NOS1: variants seen among roughly 807,000 people sequenced by gnomAD.
NOS1 encodes the protein NOS type I.
Under a neutral mutation model 164.5 loss-of-function variants are expected in NOS1, and 51 were observed. The ratio of observed to expected loss-of-function variants is 0.31; its 90% CI spans 0.25 to 0.39. The LOEUF (loss-of-function observed/expected upper bound fraction) is 0.39. Among genes scored for constraint, NOS1 ranks in the 10% least tolerant of loss-of-function variants. NOS1 has a pLI of 1.00. For synonymous variants in NOS1, 719 were observed against 745.8 expected (o/e 0.96, Z 0.59); for missense variants, 1,362 against 1,885.6 (o/e 0.72, Z 5.14).
intron 20 of NOS1, among the ~76,000 whole-genome samples, chr12:117,235,520 G>A (rs1229464574): frequency 1.3e-5 from 2 of 151,950 alleles, no homozygotes; most frequent in Admixed American, 1.3e-4. Flanking sequence ...GTATTGTTAT[G>A]GTAAAGGAAA....
intron 16 of NOS1, chr12:117,255,989 G>T: frequency 6.8e-7 from 1 of 1,477,346 alleles, no homozygotes; most frequent in South Asian, 1.5e-5. Context: ...TGTCACCATT[G>T]GGGAGGGGAG....
At chr12:117,217,719 C>A (rs1956633802) in intron 28 of NOS1, among the ~76,000 whole-genome samples, 1 of 150,790 alleles carries the variant, frequency 6.6e-6, no homozygotes, top group Non-Finnish European at 1.5e-5. Context: ...AAAAAAGCAA[C>A]TTCCCAGAGG....
chr12:117,222,174 T>C (rs916807380), intron 26 of NOS1, among the ~76,000 whole-genome samples: 10 of 152,136 alleles, frequency 6.6e-5, no homozygotes, highest in Non-Finnish European at 1.0e-4. Flanking sequence ...ACCACTAATC[T>C]ACTCTGTCTC....
chr12:117,277,194 T>C (rs543279298), intron 9 of NOS1, among the ~76,000 whole-genome samples: 1 of 152,220 alleles, frequency 6.6e-6, no homozygotes, highest in South Asian at 2.1e-4. Context: ...GGTGAGATGC[T>C]ATCTCATTGT....
chr12:117,359,054 G>A (rs1179893253), intron 1 of NOS1, among the ~76,000 whole-genome samples: 1 of 152,242 alleles, frequency 6.6e-6, no homozygotes, highest in African/African-American at 2.4e-5. Flanking sequence ...GCTGCAAAAT[G>A]GAATTCAGAT....
intron 8 of NOS1, among the ~76,000 whole-genome samples, chr12:117,280,386 G>A (rs540944266): frequency 1.3e-5 from 2 of 152,302 alleles, no homozygotes; most frequent in African/African-American, 4.8e-5. Flanking sequence ...CTGGTGAGAG[G>A]CAGGAGATTT....
At chr12:117,308,320 A>G (rs1874252981) in intron 3 of NOS1, among the ~76,000 whole-genome samples, 1 of 152,184 alleles carries the variant, frequency 6.6e-6, no homozygotes, top group South Asian at 2.1e-4. Flanking sequence ...CAGCCTGGGC[A>G]ACATAGCAAG....
intron 18 of NOS1, among the ~76,000 whole-genome samples, chr12:117,245,339 A>G (rs3782198): frequency 0.013 from 1,941 of 152,260 alleles, 19 homozygotes; most frequent in East Asian, 0.056. Flanking sequence ...ACAGAAGGCC[A>G]TGCATGGTTC....
intron 20 of NOS1, among the ~76,000 whole-genome samples, chr12:117,239,711 CT>C (rs57331249): frequency 0.025 from 3,692 of 144,930 alleles, 56 homozygotes; most frequent in Non-Finnish European, 0.03. Flanking sequence ...TTTTCTTCTT[CT>C]TTTTTTTTTT....
In NOS1 at chr12:117,208,678, ACAGTGTC is replaced by A; in HGVS notation, c.*6624_*6630del. On this transcript the variant is annotated 3_prime_UTR_variant, in exon 29 of 29. Coordinates refer to ENST00000317775, the MANE Select transcript of NOS1 (RefSeq NM_000620.5). ...CTTAATCAGAACCAACACCAAGGACACAGTGTCTTATTGAAACAGACTGCCATCCTCT... is the reference window on the plus strand; with the variant it reads ...CTTAATCAGAACCAACACCAAGGACATTATTGAAACAGACTGCCATCCTCT... 2 of 1,083,258 alleles carry A rather than the reference ACAGTGTC, an allele frequency of 1.8e-6. No individual in the cohort carries two copies. Among genetic ancestry groups the A allele is most frequent in the Non-Finnish European group, 2.3e-6 (2 of 886,548 alleles). The allele number at this position is 1,083,258 out of a possible 1,614,324, so 67.1% of individuals were successfully genotyped here.
chr12:117,324,482 C>A (rs1875142998), intron 2 of NOS1, among the ~76,000 whole-genome samples: 1 of 152,186 alleles, frequency 6.6e-6, no homozygotes, highest in African/African-American at 2.4e-5. Flanking sequence ...GTAATCCCAG[C>A]ACTTTGGGAG....
intron 10 of NOS1, among the ~76,000 whole-genome samples, chr12:117,270,765 G>A (rs1044745834): frequency 6.6e-6 from 1 of 152,146 alleles, no homozygotes; most frequent in African/African-American, 2.4e-5. Context: ...GCTGGGCGTG[G>A]TGGCTCACCC....
rs1011308310 is a variant in NOS1, at chr12:117,275,766, C to A, written c.1664+2193G>T. On this transcript the variant is annotated intron_variant, in intron 9 of 28. Transcript: ENST00000317775. ...ATTATATATCTCATGAATATATGCA[C>A]TTATTAGACATCAATTAGAAAAATA... 1.6e-4 allele frequency among the ~76,000 whole-genome samples: 25 copies of A among 152,162 alleles called. 1 individual carries two copies. The highest frequency in any genetic ancestry group is 6.5e-4 in the Admixed American group (10 of 15,280).
chr12:117,274,575 C>T (rs1873025977), intron 9 of NOS1, among the ~76,000 whole-genome samples: 1 of 151,964 alleles, frequency 6.6e-6, no homozygotes, highest in Admixed American at 6.6e-5. Flanking sequence ...TCAAGACCAG[C>T]CTGACCAACA....
chr12:117,340,244 T>A (rs1876033597), intron 1 of NOS1, among the ~76,000 whole-genome samples: 1 of 152,168 alleles, frequency 6.6e-6, no homozygotes, highest in Non-Finnish European at 1.5e-5. Context: ...CCTCAAGCAA[T>A]CCTTCCACCT....
In NOS1 at chr12:117,326,372, C is replaced by T. The variant is rs191061915; in HGVS notation, c.725+3973G>A. On this transcript the variant is annotated intron_variant, in intron 2 of 28. Coordinates refer to ENST00000317775, the MANE Select transcript of NOS1 (RefSeq NM_000620.5). ...CTGCACTCCAGCATGGGTGACAAAG[C>T]GAGACTCTGTCTCAAAAAAAAAAAA... Among the ~76,000 whole-genome samples the T allele has an allele frequency of 5.4e-3, 751 of 140,238 alleles. 21 individuals carry two copies. Among genetic ancestry groups the T allele is most frequent in the Admixed American group, 0.049 (662 of 13,396 alleles). 92.0% of individuals were successfully genotyped at this position (140,238 alleles called of 152,430 possible).
chr12:117,212,005 G>T lies in NOS1; in HGVS notation c.*3304C>A. ...ACTTGAACTGGGGGAGGCAGAGGAT[G>T]CAGTGAGCTGAGATCGTACCACTGT... On this transcript the variant is annotated 3_prime_UTR_variant, in exon 29 of 29. Coordinates refer to ENST00000317775, the MANE Select transcript of NOS1 (RefSeq NM_000620.5). 1 of 752,630 alleles carries T rather than the reference G, an allele frequency of 1.3e-6. No homozygotes were observed. Among genetic ancestry groups the T allele is most frequent in the Non-Finnish European group, 1.6e-6 (1 of 617,312 alleles). 46.6% of individuals were successfully genotyped at this position (752,630 alleles called of 1,614,324 possible).
At chr12:117,317,083 G>T (rs56114072) in intron 2 of NOS1, among the ~76,000 whole-genome samples, 19,604 of 151,982 alleles carry the variant, frequency 0.13, 1,535 homozygotes, top group East Asian at 0.27. Context: ...GTTTCACCAT[G>T]TTGGCCAGGC....
chr12:117,329,342 T>TG (rs1875413415), intron 2 of NOS1, among the ~76,000 whole-genome samples: 1 of 151,950 alleles, frequency 6.6e-6, no homozygotes, highest in Admixed American at 6.5e-5. Flanking sequence ...CCCCAGATTG[T>TG]GGGGGGCGGA....
Sources: gnomAD v4.1 joint callset for allele counts (sites outside exome capture counted in the v4.1 genomes callset) on GRCh38, gnomAD v4.1.1 for gene constraint, MANE v1.5 for transcripts, NCBI Gene and HGNC (gene_info 2026-07-23, HGNC 2026-07-21) for gene names.